Variants in DPP10 observed in about 807,000 individuals in gnomAD.
DPP10 encodes the protein dipeptidyl peptidase like 10.
In DPP10, 33 loss-of-function variants were observed where a neutral mutation model predicts 120.9. The observed-to-expected ratio is 0.27, with a 90% CI of 0.21 to 0.37. The LOEUF (loss-of-function observed/expected upper bound fraction) is 0.37, where lower values mean the gene tolerates loss of function less well. Ranked by LOEUF, DPP10 falls within the 10% of genes least tolerant of loss-of-function variation. The probability of loss-of-function intolerance (pLI) is 1.00; values close to 1 mark genes in which losing one functional copy is unlikely to be tolerated. For missense variants in DPP10, 816 were observed against 942.8 expected (o/e 0.87, Z 1.76); for synonymous variants, 337 against 326.1 (o/e 1.03, Z -0.36).
intron 1 of DPP10, among the ~76,000 whole-genome samples, chr2:114,592,931 C>T (rs1380403025): frequency 2.0e-5 from 3 of 152,020 alleles, no homozygotes; most frequent in Non-Finnish European, 2.9e-5. Flanking sequence ...TTCTGTAAAC[C>T]GCTATGTGTT....
chr2:114,521,962 C>CGGG (rs1685094668), intron 1 of DPP10, among the ~76,000 whole-genome samples: 1 of 126,300 alleles, frequency 7.9e-6, no homozygotes, highest in Non-Finnish European at 1.7e-5. Flanking sequence ...CGCCCGCCAC[C>CGGG]GCGCCCGGCT....
At chr2:115,624,516 C>G (rs1420104479) in intron 5 of DPP10, among the ~76,000 whole-genome samples, 2 of 152,122 alleles carry the variant, frequency 1.3e-5, no homozygotes, top group African/African-American at 4.8e-5. Flanking sequence ...TACGTGCAGC[C>G]CATCACAATT....
At chr2:114,451,904 C>T (rs1678300992) in intron 1 of DPP10, among the ~76,000 whole-genome samples, 1 of 152,078 alleles carries the variant, frequency 6.6e-6, no homozygotes, top group South Asian at 2.1e-4. Flanking sequence ...TAGTATTAGC[C>T]AGACAGGTTT....
At chr2:115,225,494 TGTGTGTGTGTGTGTGTGC>T (rs1400268863) in intron 1 of DPP10, among the ~76,000 whole-genome samples, 5 of 19,638 alleles carry the variant, frequency 2.5e-4, no homozygotes, top group African/African-American at 5.7e-4. Flanking sequence ...ACCGCATGAA[TGTGTGTGTGTGTGTGTGC>T]GTGTGTGTGT....
At chr2:115,580,010 TC>T (rs1228158026) in intron 5 of DPP10, 1 of 151,596 alleles carries the variant, frequency 6.6e-6, no homozygotes, top group African/African-American at 2.4e-5. Flanking sequence ...TGTGTGTTGT[TC>T]CCTCCCTGTG....
chr2:114,866,391 C>T (rs1003075501), intron 1 of DPP10, among the ~76,000 whole-genome samples: 7 of 151,892 alleles, frequency 4.6e-5, no homozygotes, highest in Non-Finnish European at 7.4e-5. Context: ...CTAATATACT[C>T]TCTGAAAACT....
chr2:114,830,056 C>T (rs1686951872), intron 1 of DPP10, among the ~76,000 whole-genome samples: 2 of 152,024 alleles, frequency 1.3e-5, no homozygotes, highest in African/African-American at 2.4e-5. Context: ...GGCTGATGGC[C>T]GAAAACGCCT....
chr2:115,267,343 A>G (rs1391818996), intron 1 of DPP10, among the ~76,000 whole-genome samples: 2 of 152,202 alleles, frequency 1.3e-5, no homozygotes, highest in Non-Finnish European at 2.9e-5. Flanking sequence ...GCTGCAAAGT[A>G]TGTCCCTGTG....
At chr2:114,816,156 G>A (rs747893923) in intron 1 of DPP10, among the ~76,000 whole-genome samples, 7 of 152,290 alleles carry the variant, frequency 4.6e-5, no homozygotes, top group African/African-American at 1.2e-4. Flanking sequence ...CGCCAGTCAC[G>A]TTGGCCTCTA....
chr2:114,633,587 A>C (rs1310805274), intron 1 of DPP10, among the ~76,000 whole-genome samples: 4 of 151,134 alleles, frequency 2.6e-5, no homozygotes. Flanking sequence ...CTGAAGATCT[A>C]ACTTTTTGTG....
In DPP10 at chr2:114,681,098, C is replaced by T. The variant is rs746084557; in HGVS notation, c.60+238260C>T. 5.7e-4 allele frequency among the ~76,000 whole-genome samples: 87 copies of T among 152,076 alleles called. 1 individual carries two copies. The highest frequency in any genetic ancestry group is 6.8e-4 in the Non-Finnish European group (46 of 67,928). ...TTCTGCTCCAACTATTCCAGTTCTA[C>T]CCCTTTTGCAAATTCCAACCTAAAT... On this transcript the variant is annotated intron_variant, in intron 1 of 25. Transcript: ENST00000410059.
chr2:115,465,564 T>G (rs538536831), intron 3 of DPP10, among the ~76,000 whole-genome samples: 63 of 152,278 alleles, frequency 4.1e-4, no homozygotes, highest in Admixed American at 7.2e-4. Context: ...GGCTCACGCC[T>G]GTAATCCCAG....
chr2:115,242,067 T>C (rs1249150822), intron 1 of DPP10, among the ~76,000 whole-genome samples: 3 of 152,132 alleles, frequency 2.0e-5, no homozygotes, highest in Admixed American at 6.6e-5. Context: ...GTAAGTTCTT[T>C]AGTGGTGATT....
At chr2:115,592,650 C>T (rs977891853) in intron 5 of DPP10, among the ~76,000 whole-genome samples, 11 of 151,700 alleles carry the variant, frequency 7.3e-5, no homozygotes, top group African/African-American at 1.9e-4. Context: ...CAGCTACTAG[C>T]GAGGCTGAGG....
At chr2:114,583,208 C>T (rs1014275769) in intron 1 of DPP10, among the ~76,000 whole-genome samples, 3 of 152,122 alleles carry the variant, frequency 2.0e-5, no homozygotes, top group Admixed American at 6.5e-5. Context: ...CTTGGAATTG[C>T]GTTTTCTAGG....
At chr2:115,840,452 G>T (rs1690019625) in intron 24 of DPP10, among the ~76,000 whole-genome samples, 1 of 150,840 alleles carries the variant, frequency 6.6e-6, no homozygotes, top group South Asian at 2.1e-4. Context: ...AGCCTCTCGA[G>T]TAGCTGGGAC....
At chr2:115,356,654 A>G (rs2064413155) in intron 3 of DPP10, among the ~76,000 whole-genome samples, 1 of 152,112 alleles carries the variant, frequency 6.6e-6, no homozygotes, top group Admixed American at 6.5e-5. Context: ...GAATGCTTCC[A>G]GATTTTGCCC....
intron 1 of DPP10, among the ~76,000 whole-genome samples, chr2:115,110,190 T>C (rs1228985547): frequency 1.3e-5 from 2 of 152,208 alleles, no homozygotes; most frequent in East Asian, 3.8e-4. Context: ...GACTAACTTT[T>C]TGGTGATCAA....
At chr2:115,715,028 C>CAAAAAAA (rs70941091) in intron 7 of DPP10, among the ~76,000 whole-genome samples, 2 of 66,152 alleles carry the variant, frequency 3.0e-5, no homozygotes, top group South Asian at 1.1e-3. Context: ...GACTCTGTCT[C>CAAAAAAA]AAAAAAAAAA....
Sources: gnomAD v4.1 joint callset for allele counts (sites outside exome capture counted in the v4.1 genomes callset) on GRCh38, gnomAD v4.1.1 for gene constraint, MANE v1.5 for transcripts, NCBI Gene and HGNC (gene_info 2026-07-23, HGNC 2026-07-21) for gene names.